The following SAMD8 variants were observed in gnomAD, a reference collection of about 807,000 sequenced individuals.
SAMD8 encodes the protein sterile alpha motif domain containing 8, also known as sphingomyelin synthase-related protein 1.
In SAMD8, 20 loss-of-function variants were observed where a neutral mutation model predicts 42.0. The observed-to-expected ratio is 0.48, with a 90% confidence interval of 0.34 to 0.69. The LOEUF (loss-of-function observed/expected upper bound fraction) is 0.69. Among genes scored for constraint, SAMD8 ranks in the 30% least tolerant of loss-of-function variants. SAMD8 has a pLI of 0.01. For missense variants in SAMD8, 328 were observed against 511.6 expected, an observed-to-expected ratio of 0.64 and a Z score of 3.46; for synonymous variants, 162 against 173.0, an observed-to-expected ratio of 0.94 and a Z score of 0.50.
chr10:75,164,386 CTTT>C (rs201084641), intron 2 of SAMD8: 189 of 269,216 alleles, frequency 7.0e-4, no homozygotes, highest in Non-Finnish European at 9.4e-4. Flanking sequence ...GTTGCCACTT[CTTT>C]TTTTTTTTTT....
chr10:75,111,508 T>C (rs1006947332), upstream of SAMD8: 8 of 1,227,800 alleles, frequency 6.5e-6, no homozygotes, highest in South Asian at 4.0e-5. Context: ...CCGGTTCGGC[T>C]CCGAGCAGCT....
upstream of SAMD8, chr10:75,109,322 C>G (rs1409272962): frequency 1.5e-6 from 1 of 656,850 alleles, no homozygotes; most frequent in Admixed American, 4.1e-5. Context: ...CAAGCCTCCC[C>G]CCACCCCCAA....
Position 75,101,998 on chromosome 10 carries a change from G to A in SAMD8, c.-16+2270G>A, listed in dbSNP as rs192990338. The A allele has an allele frequency of 1.2e-4, 160 of 1,344,700 alleles. No individual in the cohort carries two copies. In the African/African-American group the frequency reaches 2.2e-3, roughly 19 times the overall value. 83.3% of individuals were successfully genotyped at this position (1,344,700 alleles called of 1,614,324 possible). ...TTTGAGTTTAATTATAAAGCATGCT[G>A]TCTACTCCCCTCTTCCAGCCTCCCC... On this transcript the variant is annotated intron_variant, in intron 1 of 3. Coordinates refer to the SAMD8 transcript ENST00000447533.
At chr10:75,135,536 T>C (rs1162472061) in intron 1 of SAMD8, among the ~76,000 whole-genome samples, 1 of 151,188 alleles carries the variant, frequency 6.6e-6, no homozygotes, top group Non-Finnish European at 1.5e-5. Context: ...ATTTTAAAAA[T>C]GATCTGTGGC....
chr10:75,161,809 G>A (rs1251576802), intron 2 of SAMD8, among the ~76,000 whole-genome samples: 1 of 151,840 alleles, frequency 6.6e-6, no homozygotes, highest in Non-Finnish European at 1.5e-5. Flanking sequence ...GGCCGAGGTG[G>A]CCAGGTCACC....
chr10:75,112,204 C>T (rs1007477205), intron 1 of SAMD8, among the ~76,000 whole-genome samples: 1 of 152,100 alleles, frequency 6.6e-6, no homozygotes. Flanking sequence ...TTACGGAGCC[C>T]TCTTATCCGC....
At chr10:75,112,726 A>C (rs748635494) in intron 1 of SAMD8, among the ~76,000 whole-genome samples, 2 of 152,226 alleles carry the variant, frequency 1.3e-5, no homozygotes, top group African/African-American at 2.4e-5. Context: ...AGTTTTAAAA[A>C]CTTGAAACAA....
chr10:75,165,860 CA>C (rs1263907675), intron 3 of SAMD8, among the ~76,000 whole-genome samples: 2 of 149,946 alleles, frequency 1.3e-5, no homozygotes, highest in Non-Finnish European at 1.5e-5. Context: ...CCTATAGTCC[CA>C]GCTTCTCAGG....
rs1485790671 is a variant in SAMD8, at chr10:75,168,730, A to G, written c.792+72A>G. The G allele has an allele frequency of 4.4e-6, 4 of 915,520 alleles. No individual in the cohort carries two copies. In the African/African-American group the frequency reaches 4.9e-5, roughly 11 times the overall value. 56.7% of individuals were successfully genotyped at this position (915,520 alleles called of 1,614,324 possible). On this transcript the variant is annotated intron_variant, in intron 4 of 5. Coordinates refer to ENST00000542569, the MANE Select transcript of SAMD8 (RefSeq NM_001174156.2). ...GCACACTATATGCAATAGGGCTAAG[A>G]TTTTGCTTATAGTATTAAAATGTGC...
upstream of SAMD8, chr10:75,109,327 C>A (rs144968214): frequency 2.0e-5 from 12 of 612,492 alleles, no homozygotes; most frequent in Admixed American, 4.1e-5. Context: ...CTCCCCCCAC[C>A]CCCAAACTCC....
intron 4 of SAMD8, among the ~76,000 whole-genome samples, chr10:75,169,169 C>CAAAAAAA (rs1023080854): frequency 3.3e-5 from 1 of 30,236 alleles, no homozygotes; most frequent in East Asian, 1.5e-3. Context: ...GACTCCATCT[C>CAAAAAAA]AAAAAAAAAA....
intron 2 of SAMD8, among the ~76,000 whole-genome samples, chr10:75,163,767 C>T (rs1840613247): frequency 1.3e-5 from 2 of 152,084 alleles, no homozygotes; most frequent in African/African-American, 2.4e-5. Flanking sequence ...CTTTTTCTCT[C>T]CCTCTCTCTC....
At chr10:75,104,149 T>G in intron 1 of SAMD8, 1 of 1,255,394 alleles carries the variant, frequency 8.0e-7, no homozygotes, top group Non-Finnish European at 1.0e-6. Context: ...AGGCCCAGGC[T>G]GGCTGGGACT....
chr10:75,154,240 G>A (rs927312412), intron 2 of SAMD8, among the ~76,000 whole-genome samples: 2 of 152,184 alleles, frequency 1.3e-5, no homozygotes, highest in Non-Finnish European at 2.9e-5. Flanking sequence ...GGAAAACTGA[G>A]AACCAACCCC....
chr10:75,164,581 T>G, intron 2 of SAMD8, 64 bp from the exon 3 acceptor site: 1 of 1,563,314 alleles, frequency 6.4e-7, no homozygotes, highest in Non-Finnish European at 8.7e-7. Context: ...AGCACCTTAC[T>G]GAAAAGGGTG....
At chr10:75,152,426 G>A (rs796257900) in intron 2 of SAMD8, among the ~76,000 whole-genome samples, 6 of 149,606 alleles carry the variant, frequency 4.0e-5, no homozygotes, top group African/African-American at 1.2e-4. Flanking sequence ...GGAGGCTGAG[G>A]CAGGAGAATG....
chr10:75,159,573 G>A (rs749185931), intron 2 of SAMD8, among the ~76,000 whole-genome samples: 3 of 152,084 alleles, frequency 2.0e-5, no homozygotes, highest in East Asian at 1.9e-4. Context: ...CAGCAGATAC[G>A]TCTCCGTTGG....
intron 1 of SAMD8, among the ~76,000 whole-genome samples, chr10:75,148,358 T>TTTTTTTTTTTTTTTTTTTTTG (rs1840196614): frequency 7.2e-6 from 1 of 139,046 alleles, no homozygotes; most frequent in African/African-American, 2.8e-5. Flanking sequence ...TTTTTTTTTT[T>TTTTTTTTTTTTTTTTTTTTTG]TTTTTTTTTT....
intron 1 of SAMD8, among the ~76,000 whole-genome samples, chr10:75,130,512 C>CA (rs199824269): frequency 0.012 from 1,787 of 151,114 alleles, 31 homozygotes; most frequent in African/African-American, 0.04. Flanking sequence ...ATCTCAAAAA[C>CA]AAAAAAAACA....
Sources: gnomAD v4.1 joint callset for allele counts (sites outside exome capture counted in the v4.1 genomes callset) on GRCh38, gnomAD v4.1.1 for gene constraint, MANE v1.5 for transcripts, NCBI Gene and HGNC (gene_info 2026-07-23, HGNC 2026-07-21) for gene names.